Variants in ARHGAP10 observed in about 807,000 individuals in gnomAD.
The protein encoded by ARHGAP10 is rho GTPase-activating protein 10.
A neutral mutation model predicts 108.6 loss-of-function variants in ARHGAP10; 87 were observed. The ratio of observed to expected loss-of-function variants is 0.80; its 90% CI spans 0.67 to 0.96. ARHGAP10 has a LOEUF of 0.96. Ranked by LOEUF, ARHGAP10 falls within the 40% of genes least tolerant of loss-of-function variation. ARHGAP10 has a pLI of 0.00. For synonymous variants in ARHGAP10, 347 were observed against 341.1 expected, an observed-to-expected ratio of 1.02 and a Z score of -0.19; for missense variants, 939 against 954.5, an observed-to-expected ratio of 0.98 and a Z score of 0.21.
Position 147,867,736 on chromosome 4 carries a change from C to T in ARHGAP10, c.702+920C>T, listed in dbSNP as rs148520598. Among the ~76,000 whole-genome samples, 1,452 of 151,810 alleles carry T rather than the reference C, an allele frequency of 9.6e-3. 16 individuals are homozygous for T. The highest frequency in any genetic ancestry group is 0.014 in the Non-Finnish European group (970 of 67,920). On this transcript the variant is annotated intron_variant, in intron 7 of 22. Transcript: ENST00000336498. ...AACATTAGCTGGGTGTGGTGGAGTG[C>T]GCCTGTAATCCCAGTTACTCGGGAG... is the stretch of plus-strand genomic sequence containing the variant.
At chr4:147,768,251 C>A (rs569284052) in intron 1 of ARHGAP10, among the ~76,000 whole-genome samples, 1 of 152,262 alleles carries the variant, frequency 6.6e-6, no homozygotes, top group South Asian at 2.1e-4. Flanking sequence ...TCCTGCTCCC[C>A]ACTACTATTG....
rs765682650 is a variant in ARHGAP10, at chr4:148,023,295, T to C, written c.1749T>C (p.Pro583=). ...IFRTPPDTTF[P]EPTCLSASPP... is the part of the protein sequence containing the mutation. ...GGACGCCGCCCGATACTACATTCCC[T>C]GAGCCCACCTGCCTGTCAGCATCAC... Residue 583 remains proline (P), a synonymous_variant, in exon 19 of 23, where the codon CCT becomes CCC. Transcript: ENST00000336498. 1 of 1,614,178 alleles carries C rather than the reference T, an allele frequency of 6.2e-7. No homozygotes were observed. Among genetic ancestry groups the C allele is most frequent in the East Asian group, 2.2e-5 (1 of 44,884 alleles).
rs554545082 is a variant in ARHGAP10, at chr4:148,054,309, G to A, written c.2027+7258G>A. On this transcript the variant is annotated intron_variant, in intron 20 of 22. Coordinates refer to ENST00000336498, the MANE Select transcript of ARHGAP10 (RefSeq NM_024605.4). ...TTATATAAGTGATTTAAGCAAACCA[G>A]GGATTTAAGCAAACCAAGGCTTAGC... Among the ~76,000 whole-genome samples, 30 of 152,320 alleles carry A rather than the reference G, an allele frequency of 2.0e-4. 1 individual carries two copies. Among genetic ancestry groups the A allele is most frequent in the African/African-American group, 6.7e-4 (28 of 41,568 alleles).
At chr4:148,046,796 A>C in intron 19 of ARHGAP10, 96 bp from the exon 20 acceptor site, 1 of 1,245,682 alleles carries the variant, frequency 8.0e-7, no homozygotes, top group Non-Finnish European at 1.1e-6. Flanking sequence ...TAATTTTATC[A>C]TTTGATTGAC....
intron 21 of ARHGAP10, among the ~76,000 whole-genome samples, chr4:148,063,970 G>A (rs548413395): frequency 5.9e-4 from 90 of 152,350 alleles, no homozygotes; most frequent in African/African-American, 1.6e-3. Flanking sequence ...GTGGCCACCC[G>A]GAGTGGATCT....
chr4:147,734,262 G>A (rs1728336511), intron 1 of ARHGAP10, among the ~76,000 whole-genome samples: 2 of 152,122 alleles, frequency 1.3e-5, no homozygotes, highest in African/African-American at 4.8e-5. Flanking sequence ...CAGCATATTA[G>A]CTTTCCTGCC....
chr4:147,832,224 C>T (rs1428506492), intron 3 of ARHGAP10, among the ~76,000 whole-genome samples: 2 of 151,996 alleles, frequency 1.3e-5, no homozygotes, highest in Admixed American at 1.3e-4. Flanking sequence ...GGAAATATTT[C>T]GGGATGAGCC....
intron 18 of ARHGAP10, among the ~76,000 whole-genome samples, chr4:148,014,101 G>A (rs1741265124): frequency 6.6e-6 from 1 of 152,166 alleles, no homozygotes; most frequent in Non-Finnish European, 1.5e-5. Flanking sequence ...GAGAAAAAAA[G>A]GAATGTTGTG....
intron 5 of ARHGAP10, chr4:147,862,251 G>A (rs1013842): frequency 0.75 from 114,384 of 152,564 alleles, 46,115 homozygotes; most frequent in Non-Finnish European, 0.89. Context: ...CAGTACCTGG[G>A]CTTGGCTACA....
At chr4:147,878,490 A>G (rs962821076) in intron 8 of ARHGAP10, among the ~76,000 whole-genome samples, 33 of 152,208 alleles carry the variant, frequency 2.2e-4, no homozygotes, top group African/African-American at 7.7e-4. Context: ...GTGGATTTTT[A>G]GACTAGATGC....
intron 7 of ARHGAP10, among the ~76,000 whole-genome samples, chr4:147,868,609 C>G (rs1476356943): frequency 6.6e-6 from 1 of 152,098 alleles, no homozygotes; most frequent in Non-Finnish European, 1.5e-5. Flanking sequence ...AGATAGTTCA[C>G]GTAAGTGGTC....
chr4:147,982,438 C>T (rs182398280), intron 18 of ARHGAP10, among the ~76,000 whole-genome samples: 12 of 148,024 alleles, frequency 8.1e-5, no homozygotes, highest in East Asian at 4.0e-4. Context: ...GGTGCAATCA[C>T]GGCTCACTGC....
intron 1 of ARHGAP10, among the ~76,000 whole-genome samples, chr4:147,741,633 GTAAT>G (rs1358202679): frequency 1.3e-5 from 2 of 152,120 alleles, no homozygotes; most frequent in African/African-American, 2.4e-5. Context: ...ACACAGGAAT[GTAAT>G]TGCCAGGGGG....
At chr4:147,876,186 G>A (rs1735051145) in intron 8 of ARHGAP10, among the ~76,000 whole-genome samples, 1 of 152,114 alleles carries the variant, frequency 6.6e-6, no homozygotes, top group Non-Finnish European at 1.5e-5. Flanking sequence ...CTGGAATCTC[G>A]CAGCCTTCAC....
chr4:148,071,911 CCTGCT>C, intron 22 of ARHGAP10, 77 bp from the exon 23 acceptor site: 5 of 1,232,850 alleles, frequency 4.1e-6, no homozygotes, highest in Non-Finnish European at 5.8e-6. Context: ...CTGGCCACTC[CCTGCT>C]TGAGCTTTTA....
chr4:148,003,609 A>G (rs1023046748), intron 18 of ARHGAP10, among the ~76,000 whole-genome samples: 79 of 152,174 alleles, frequency 5.2e-4, no homozygotes, highest in Admixed American at 3.5e-3. Flanking sequence ...TATTGGGTGC[A>G]TATATGTTTA....
At chr4:148,064,085 T>A (rs1441059656) in intron 21 of ARHGAP10, among the ~76,000 whole-genome samples, 12 of 152,086 alleles carry the variant, frequency 7.9e-5, no homozygotes, top group East Asian at 7.7e-4. Flanking sequence ...CCAACTGAAG[T>A]GCTTGGAGAT....
chr4:147,864,708 C>A, intron 5 of ARHGAP10, 138 bp from the exon 6 acceptor site: 2 of 637,302 alleles, frequency 3.1e-6, no homozygotes, highest in Non-Finnish European at 2.7e-6. Flanking sequence ...AATTGTCGTA[C>A]CTGTGTTGCA....
At chr4:147,995,297 CCATT>C (rs1740429812) in intron 18 of ARHGAP10, among the ~76,000 whole-genome samples, 1 of 152,120 alleles carries the variant, frequency 6.6e-6, no homozygotes, top group Non-Finnish European at 1.5e-5. Context: ...TGCGTATACA[CCATT>C]CATATACGAT....
Sources: gnomAD v4.1 joint callset for allele counts (sites outside exome capture counted in the v4.1 genomes callset) on GRCh38, gnomAD v4.1.1 for gene constraint, MANE v1.5 for transcripts, NCBI Gene and HGNC (gene_info 2026-07-23, HGNC 2026-07-21) for gene names.